The following NCBP1 variants were observed in gnomAD, a reference collection of about 807,000 sequenced individuals.
NCBP1 encodes nuclear cap-binding protein subunit 1.
A neutral mutation model predicts 111.7 loss-of-function variants in NCBP1; 16 were observed. That is an observed-to-expected ratio of 0.14 (90% CI 0.10 to 0.22). The LOEUF is 0.22. NCBP1 is among the 10% of genes least tolerant of loss of function. NCBP1 has a pLI of 1.00. For missense variants in NCBP1, 607 were observed against 957.5 expected (o/e 0.63, Z 4.83); for synonymous variants, 304 against 314.3 (o/e 0.97, Z 0.35).
At chr9:97,666,905 T>C in intron 20 of NCBP1, 28 bp downstream of exon 20, 1 of 1,430,156 alleles carries the variant, frequency 7.0e-7, no homozygotes, top group Non-Finnish European at 9.6e-7. Context: ...TTGTAAGTAG[T>C]TAAAGAAAAT....
At chr9:97,670,070 C>G (rs1828139886) in intron 22 of NCBP1, 1 of 347,212 alleles carries the variant, frequency 2.9e-6, no homozygotes, top group African/African-American at 2.1e-5. Flanking sequence ...TTACAGGCAC[C>G]CGTCACTACT....
chr9:97,639,511 C>G (rs559896867), intron 1 of NCBP1, among the ~76,000 whole-genome samples: 1 of 152,244 alleles, frequency 6.6e-6, no homozygotes, highest in African/African-American at 2.4e-5. Context: ...TTTGGCTGTT[C>G]AGATCTGAAG....
chr9:97,654,990 TC>T (rs765457397), intron 12 of NCBP1, 46 bp downstream of exon 12: 4 of 1,398,618 alleles, frequency 2.9e-6, no homozygotes, highest in Non-Finnish European at 3.8e-6. Context: ...AGCTTTTACT[TC>T]CTGTACTTCA....
chr9:97,665,514 T>A (rs1299041841), intron 19 of NCBP1, among the ~76,000 whole-genome samples: 1 of 152,206 alleles, frequency 6.6e-6, no homozygotes, highest in Non-Finnish European at 1.5e-5. Context: ...CTCCATCTGT[T>A]CTTTAACACC....
intron 14 of NCBP1, among the ~76,000 whole-genome samples, chr9:97,656,999 C>T (rs974025778): frequency 7.9e-5 from 12 of 152,046 alleles, no homozygotes; most frequent in Admixed American, 2.0e-4. Flanking sequence ...GTTGGAGTCT[C>T]GCTCTGTCAC....
At chr9:97,657,626 C>G (rs1025602120) in intron 14 of NCBP1, among the ~76,000 whole-genome samples, 1 of 152,120 alleles carries the variant, frequency 6.6e-6, no homozygotes, top group African/African-American at 2.4e-5. Flanking sequence ...CTCTGTTCTT[C>G]ATCAGATCTC....
intron 15 of NCBP1, among the ~76,000 whole-genome samples, chr9:97,659,460 T>A (rs982878402): frequency 1.3e-5 from 2 of 152,212 alleles, no homozygotes; most frequent in Non-Finnish European, 2.9e-5. Flanking sequence ...TGTACCTGTT[T>A]TCCTTGAAAT....
At chr9:97,643,455 C>T in intron 4 of NCBP1, 95 bp downstream of exon 4, 1 of 1,277,304 alleles carries the variant, frequency 7.8e-7, no homozygotes, top group Non-Finnish European at 1.1e-6. Context: ...TCTCCTAAAA[C>T]ATTCTCATTC....
intron 22 of NCBP1, among the ~76,000 whole-genome samples, chr9:97,670,342 G>C (rs1368643353): frequency 6.6e-6 from 1 of 152,220 alleles, no homozygotes; most frequent in Non-Finnish European, 1.5e-5. Flanking sequence ...CAATGTGCAG[G>C]TGGTAAACTG....
intron 4 of NCBP1, 87 bp from the exon 5 acceptor site, chr9:97,645,030 A>T: frequency 1.0e-6 from 1 of 978,282 alleles, no homozygotes; most frequent in Non-Finnish European, 1.6e-6. Context: ...TTTTTAGACC[A>T]ATAGTTTAGC....
chr9:97,664,906 G>C (rs1827948152), intron 19 of NCBP1, among the ~76,000 whole-genome samples: 1 of 152,156 alleles, frequency 6.6e-6, no homozygotes, highest in African/African-American at 2.4e-5. Context: ...CTGAGGGATG[G>C]GGGAAAGGGG....
At chr9:97,638,814 T>C (rs1255915389) in intron 1 of NCBP1, among the ~76,000 whole-genome samples, 1 of 152,142 alleles carries the variant, frequency 6.6e-6, no homozygotes, top group Non-Finnish European at 1.5e-5. Flanking sequence ...TCCCCTAGTT[T>C]TGACTACTAA....
In NCBP1 at chr9:97,659,818, C is replaced by T. The variant is rs185190420; in HGVS notation, c.1477+1075C>T. On this transcript the variant is annotated intron_variant, in intron 15 of 22. Transcript: ENST00000375147. ...TCTTTTTGCCCCATAGGAATAACTC[C>T]GCCTAACATTCAAGGCCTTCATAAC... 1.5e-4 allele frequency among the ~76,000 whole-genome samples: 23 copies of T among 152,288 alleles called. No individual in the cohort carries two copies. The East Asian group carries it at 3.7e-3, about 24-fold the overall frequency.
At position 97,656,019 on chromosome 9, in the gene NCBP1, G is replaced by T. The variant is rs751426033; in HGVS notation, c.1307G>T (p.Cys436Phe). 6.2e-7 allele frequency: 1 copy of T among 1,613,614 alleles called. No individual in the cohort carries two copies. The highest frequency in any genetic ancestry group is 1.1e-5 in the South Asian group (1 of 91,074). Residue 436 changes from cysteine to phenylalanine, a missense_variant, in exon 14 of 23, where the codon TGT becomes TTT. Coordinates refer to ENST00000375147, the MANE Select transcript of NCBP1 (RefSeq NM_002486.5). ...CTACATTTCCTCCTTAGGTCAGATT[G>T]TCTTAGTCAAGATCCTGAAAGTCCC... ...FRWSWEDWSD[C>F]LSQDPESPKP... is the part of the protein sequence containing the mutation.
At chr9:97,639,138 A>C (rs1406290421) in intron 1 of NCBP1, among the ~76,000 whole-genome samples, 4 of 152,168 alleles carry the variant, frequency 2.6e-5, no homozygotes, top group Admixed American at 2.0e-4. Flanking sequence ...GAATAAATAC[A>C]TCTCAGCTCT....
At chr9:97,636,578 A>G (rs1486608286) in intron 1 of NCBP1, among the ~76,000 whole-genome samples, 3 of 145,268 alleles carry the variant, frequency 2.1e-5, no homozygotes, top group Non-Finnish European at 4.5e-5. Context: ...ATACTCTAAT[A>G]TATATTTTAC....
chr9:97,647,668 C>G, intron 7 of NCBP1, 107 bp downstream of exon 7: 2 of 957,802 alleles, frequency 2.1e-6, no homozygotes, highest in Non-Finnish European at 3.2e-6. Flanking sequence ...GACTGTGTTT[C>G]TACATTTCAT....
At chr9:97,664,317 C>T (rs1045622849) in intron 18 of NCBP1, 23 bp from the exon 19 acceptor site, 1 of 1,457,332 alleles carries the variant, frequency 6.9e-7, no homozygotes, top group Non-Finnish European at 9.6e-7. Flanking sequence ...GTGTGATTTA[C>T]TTGAATAATT....
At chr9:97,636,637 CATATATAT>C (rs377027165) in intron 1 of NCBP1, among the ~76,000 whole-genome samples, 9,824 of 111,168 alleles carry the variant, frequency 0.088, 584 homozygotes, top group African/African-American at 0.16. Context: ...GAAAGTAATA[CATATATAT>C]ATATATATAT....
Sources: gnomAD v4.1 joint callset for allele counts (sites outside exome capture counted in the v4.1 genomes callset) on GRCh38, gnomAD v4.1.1 for gene constraint, MANE v1.5 for transcripts, NCBI Gene and HGNC (gene_info 2026-07-23, HGNC 2026-07-21) for gene names.